The following TMEM132D variants were observed in gnomAD, a reference collection of about 807,000 sequenced individuals.
TMEM132D encodes transmembrane protein 132D.
TMEM132D carries 21 observed loss-of-function variants against 62.3 expected under a neutral mutation model. The observed-to-expected ratio is 0.34, with a 90% CI of 0.24 to 0.49. The LOEUF is 0.49. TMEM132D is among the 20% of genes least tolerant of loss of function. The probability of loss-of-function intolerance (pLI) is 0.99; values close to 1 mark genes in which losing one functional copy is unlikely to be tolerated. For synonymous variants in TMEM132D, 621 were observed against 575.6 expected, an observed-to-expected ratio of 1.08 and a Z score of -1.13; for missense variants, 1,346 against 1,402.8, an observed-to-expected ratio of 0.96 and a Z score of 0.65.
chr12:129,872,146 C>T (rs1225403326), intron 1 of TMEM132D, among the ~76,000 whole-genome samples: 1 of 152,218 alleles, frequency 6.6e-6, no homozygotes, highest in African/African-American at 2.4e-5. Flanking sequence ...AGTTTAGTGA[C>T]GTCTCAGTGT....
At chr12:129,759,913 C>CTT (rs5801881) in intron 1 of TMEM132D, among the ~76,000 whole-genome samples, 1,613 of 148,834 alleles carry the variant, frequency 0.011, 29 homozygotes, top group African/African-American at 0.035. Context: ...TCTTATTTGC[C>CTT]TTTTTTTTTT....
At chr12:129,673,988 CAG>C (rs1214749624) in intron 2 of TMEM132D, among the ~76,000 whole-genome samples, 2 of 152,174 alleles carry the variant, frequency 1.3e-5, no homozygotes, top group African/African-American at 4.8e-5. Flanking sequence ...GCTCAGCACA[CAG>C]AGAAAACCCC....
At chr12:129,274,074 G>C (rs116793296) in intron 4 of TMEM132D, among the ~76,000 whole-genome samples, 1,654 of 151,668 alleles carry the variant, frequency 0.011, 74 homozygotes, top group African/African-American at 0.039. Context: ...TTTCCTAGTT[G>C]TAGAAAAAAA....
chr12:129,418,573 A>G (rs1403843402), intron 3 of TMEM132D, among the ~76,000 whole-genome samples: 2 of 152,116 alleles, frequency 1.3e-5, no homozygotes, highest in South Asian at 4.2e-4. Context: ...GGTGGGGGAC[A>G]AGGGGAGGGA....
intron 1 of TMEM132D, chr12:129,853,359 C>A (rs1436856015): frequency 6.6e-6 from 1 of 152,214 alleles, no homozygotes; most frequent in Non-Finnish European, 1.5e-5. Flanking sequence ...TGACCAGGAA[C>A]AAGAGGCCGT....
intron 3 of TMEM132D, among the ~76,000 whole-genome samples, chr12:129,402,558 A>G (rs1351667137): frequency 6.6e-6 from 1 of 152,176 alleles, no homozygotes; most frequent in Non-Finnish European, 1.5e-5. Flanking sequence ...TGGTACAAGG[A>G]CAGGCACCAT....
rs115667630 is a variant in TMEM132D at position 129,731,635 on chromosome 12, A to T, written c.80-30937T>A. 7.0e-3 allele frequency among the ~76,000 whole-genome samples: 1,060 copies of T among 151,830 alleles called. 10 individuals carry two copies. The highest frequency in any genetic ancestry group is 0.025 in the African/African-American group (1,025 of 41,398). ...AGGTGCAGTGGGCCGATATAAGGAA[A>T]TTGAATGTTTTCAGACTTGAAGCCA... On this transcript the variant is annotated intron_variant, in intron 1 of 8. Coordinates refer to ENST00000422113, the MANE Select transcript of TMEM132D (RefSeq NM_133448.3).
chr12:129,650,894 T>G, intron 2 of TMEM132D, among the ~76,000 whole-genome samples: 1 of 152,318 alleles, frequency 6.6e-6, no homozygotes, highest in South Asian at 2.1e-4. Context: ...TTATTTGCAG[T>G]TGGTAATGGC....
intron 1 of TMEM132D, among the ~76,000 whole-genome samples, chr12:129,715,658 C>T (rs1450994387): frequency 6.6e-6 from 1 of 152,200 alleles, no homozygotes; most frequent in Non-Finnish European, 1.5e-5. Context: ...TGTGCCTCTT[C>T]GACTTCTCCT....
intron 4 of TMEM132D, among the ~76,000 whole-genome samples, chr12:129,283,159 C>T (rs1881201351): frequency 6.6e-6 from 1 of 152,196 alleles, no homozygotes; most frequent in East Asian, 1.9e-4. Flanking sequence ...CAAATAACTA[C>T]TTTGGAGCAT....
chr12:129,285,961 A>G (rs552707388), intron 4 of TMEM132D, among the ~76,000 whole-genome samples: 103 of 152,272 alleles, frequency 6.8e-4, no homozygotes, highest in African/African-American at 2.2e-3. Context: ...TCACATTTCT[A>G]TTGATTCAGA....
At chr12:129,164,074 A>G (rs557239435) in intron 5 of TMEM132D, among the ~76,000 whole-genome samples, 2 of 152,334 alleles carry the variant, frequency 1.3e-5, no homozygotes, top group South Asian at 4.1e-4. Flanking sequence ...TCAAGGAGTT[A>G]CCCAGTATGC....
chr12:129,406,402 C>T (rs1031952877), intron 3 of TMEM132D, among the ~76,000 whole-genome samples: 14 of 152,250 alleles, frequency 9.2e-5, no homozygotes, highest in Non-Finnish European at 2.1e-4. Flanking sequence ...GCGTGGATCA[C>T]GAGGTCAGGA....
intron 3 of TMEM132D, among the ~76,000 whole-genome samples, chr12:129,419,249 G>T (rs928306591): frequency 6.6e-6 from 1 of 152,124 alleles, no homozygotes; most frequent in African/African-American, 2.4e-5. Context: ...TGGGGGTGGG[G>T]TCACCGAACC....
chr12:129,579,389 G>C (rs1877777195), intron 2 of TMEM132D, among the ~76,000 whole-genome samples: 1 of 152,162 alleles, frequency 6.6e-6, no homozygotes, highest in Admixed American at 6.5e-5. Context: ...AAGGAGAACT[G>C]ACTTACACAA....
At chr12:129,396,147 T>G (rs1593363721) in intron 3 of TMEM132D, among the ~76,000 whole-genome samples, 2 of 148,412 alleles carry the variant, frequency 1.3e-5, no homozygotes, top group South Asian at 2.1e-4. Context: ...CAATAAAAAA[T>G]AGTGGAATAT....
rs567625497 is a variant in TMEM132D at position 129,089,546 on chromosome 12, C to T, written c.1444-4844G>A. ...TCCATGACCGGGTGTCCTCCATGAC[C>T]GGGTGTCCTCCCTGACTGAGGTGTC... is the stretch of plus-strand genomic sequence containing the variant. On this transcript the variant is annotated intron_variant, in intron 5 of 8. Coordinates refer to ENST00000422113, the MANE Select transcript of TMEM132D (RefSeq NM_133448.3). Among the ~76,000 whole-genome samples the T allele has an allele frequency of 2.8e-5, 2 of 70,614 alleles. 1 individual carries two copies. Among genetic ancestry groups the T allele is most frequent in the Non-Finnish European group, 6.7e-5 (2 of 29,634 alleles). 46.3% of individuals were successfully genotyped at this position (70,614 alleles called of 152,430 possible). A position where few individuals can be genotyped will look rare whatever the true frequency, so the allele number is the denominator to read the frequency against.
intron 1 of TMEM132D, among the ~76,000 whole-genome samples, chr12:129,789,129 T>C (rs1871326381): frequency 6.6e-6 from 1 of 152,170 alleles, no homozygotes; most frequent in Non-Finnish European, 1.5e-5. Context: ...ATAAGTTCTT[T>C]AGCGGTGATT....
At chr12:129,223,573 A>G (rs1402199786) in intron 4 of TMEM132D, among the ~76,000 whole-genome samples, 1 of 152,130 alleles carries the variant, frequency 6.6e-6, no homozygotes, top group Non-Finnish European at 1.5e-5. Flanking sequence ...GGCAGAACAT[A>G]ATATAAATGG....
Sources: allele counts gnomAD v4.1 joint callset (sites outside exome capture counted in the v4.1 genomes callset), GRCh38; gene constraint gnomAD v4.1.1; transcripts MANE v1.5; gene names NCBI Gene and HGNC (gene_info 2026-07-23, HGNC 2026-07-21).